Variants in STRBP observed in about 807,000 individuals in gnomAD.
STRBP encodes the protein spermatid perinuclear RNA binding protein.
STRBP carries 13 observed loss-of-function variants against 80.1 expected under a neutral mutation model. The ratio of observed to expected loss-of-function variants is 0.16; its 90% confidence interval spans 0.11 to 0.26. The LOEUF is 0.26. Among genes scored for constraint, STRBP ranks in the 10% least tolerant of loss-of-function variants. The pLI is 1.00. For missense variants in STRBP, 485 were observed against 815.2 expected, an observed-to-expected ratio of 0.59 and a Z score of 4.93; for synonymous variants, 284 against 291.2, an observed-to-expected ratio of 0.98 and a Z score of 0.25.
intron 2 of STRBP, among the ~76,000 whole-genome samples, chr9:123,188,139 T>C (rs2038776560): frequency 1.3e-5 from 2 of 152,162 alleles, no homozygotes; most frequent in South Asian, 4.2e-4. Context: ...CTTTTGAGAC[T>C]AGCTTCTTTC....
At chr9:123,254,098 A>G (rs751776096) in intron 1 of STRBP, among the ~76,000 whole-genome samples, 23 of 152,170 alleles carry the variant, frequency 1.5e-4, no homozygotes, top group Non-Finnish European at 3.1e-4. Flanking sequence ...ATTAGGTGTA[A>G]TAACACCCAA....
At chr9:123,213,442 C>G (rs891858926) in intron 2 of STRBP, 3 of 152,188 alleles carry the variant, frequency 2.0e-5, no homozygotes, top group Non-Finnish European at 4.4e-5. Flanking sequence ...AGCCTACCCA[C>G]AAAACCCTAA....
At position 123,164,132 on chromosome 9, in the gene STRBP, G is replaced by A. The variant is rs1440450719; in HGVS notation, c.536-3064C>T. Among the ~76,000 whole-genome samples, 4 of 152,126 alleles carry A rather than the reference G, an allele frequency of 2.6e-5. No individual in the cohort carries two copies. The East Asian group carries it at 5.8e-4, about 22-fold the overall frequency. On this transcript the variant is annotated intron_variant, in intron 6 of 18. Coordinates refer to ENST00000348403, the MANE Select transcript of STRBP (RefSeq NM_018387.5). ...ATGATCTCGGCTCACTGCAACCTCC[G>A]CCTCCCGGGCTCAAGCAATTCCCAT...
chr9:123,188,171 G>A (rs533186395), intron 2 of STRBP, among the ~76,000 whole-genome samples: 47 of 152,068 alleles, frequency 3.1e-4, no homozygotes, highest in African/African-American at 1.1e-3. Context: ...TGCATTTAAG[G>A]TTTCTCCATC....
chr9:123,254,443 T>A (rs2040980796), intron 1 of STRBP, among the ~76,000 whole-genome samples: 1 of 127,734 alleles, frequency 7.8e-6, no homozygotes, highest in Non-Finnish European at 1.6e-5. Context: ...CCTGATCACG[T>A]GAGACTCCGT....
At chr9:123,129,913 GC>G (rs1390802716) in intron 17 of STRBP, among the ~76,000 whole-genome samples, 1 of 152,174 alleles carries the variant, frequency 6.6e-6, no homozygotes, top group East Asian at 1.9e-4. Context: ...GACACATGTA[GC>G]TGAAATAAGC....
At chr9:123,198,418 G>A (rs1012961632) in intron 2 of STRBP, among the ~76,000 whole-genome samples, 11 of 151,988 alleles carry the variant, frequency 7.2e-5, no homozygotes, top group African/African-American at 2.7e-4. Flanking sequence ...GATTACAGGT[G>A]TGAGCCACGG....
chr9:123,259,517 AC>A (rs1239062896), intron 1 of STRBP, among the ~76,000 whole-genome samples: 1 of 151,926 alleles, frequency 6.6e-6, no homozygotes, highest in Non-Finnish European at 1.5e-5. Context: ...GACCAGCCTG[AC>A]CAACATGGAG....
At chr9:123,214,150 ACACAC>A (rs2039814483) in intron 2 of STRBP, among the ~76,000 whole-genome samples, 3 of 126,860 alleles carry the variant, frequency 2.4e-5, no homozygotes, top group African/African-American at 3.5e-5. Flanking sequence ...ATGTATACAC[ACACAC>A]ACACACACAC....
intron 2 of STRBP, among the ~76,000 whole-genome samples, chr9:123,210,843 A>G (rs940571317): frequency 2.1e-4 from 31 of 149,666 alleles, no homozygotes; most frequent in African/African-American, 7.3e-4. Flanking sequence ...AAAAAAAAAG[A>G]TCAACCAAAT....
chr9:123,138,906 G>A (rs2036472004), intron 14 of STRBP, among the ~76,000 whole-genome samples: 1 of 152,132 alleles, frequency 6.6e-6, no homozygotes, highest in Non-Finnish European at 1.5e-5. Flanking sequence ...TTACTTTAAA[G>A]CTAATGTTCT....
intron 16 of STRBP, among the ~76,000 whole-genome samples, chr9:123,133,476 T>G (rs1041778165): frequency 6.6e-6 from 1 of 152,134 alleles, no homozygotes; most frequent in African/African-American, 2.4e-5. Context: ...GAAGGTAATA[T>G]GATTTCTTGG....
intron 12 of STRBP, 134 bp downstream of exon 12, chr9:123,147,644 C>CTCCA: frequency 1.4e-6 from 1 of 698,878 alleles, no homozygotes; most frequent in Non-Finnish European, 2.2e-6. Flanking sequence ...CGCCACTGCA[C>CTCCA]TCCAGTCTCA....
chr9:123,122,718 T>A lies in STRBP; in HGVS notation c.*2879A>T, dbSNP rs2035770919. The A allele has an allele frequency of 2.0e-6, 2 of 1,001,638 alleles. No homozygotes were observed. The highest frequency in any genetic ancestry group is 2.4e-6 in the Non-Finnish European group (2 of 840,444). The allele number at this position is 1,001,638 out of a possible 1,614,324, so 62.0% of individuals were successfully genotyped here. Reference sequence around the variant, plus strand: ...GGGGCCAGTCCCCGTGCAGAGGATATGGCTTCAAGGAGGACCCCTATCTCT... The same window carrying A: ...GGGGCCAGTCCCCGTGCAGAGGATAAGGCTTCAAGGAGGACCCCTATCTCT... On this transcript the variant is annotated 3_prime_UTR_variant, in exon 19 of 19. Coordinates refer to ENST00000348403, the MANE Select transcript of STRBP (RefSeq NM_018387.5).
intron 17 of STRBP, 73 bp from the exon 18 acceptor site, chr9:123,128,331 C>A (rs150457644): frequency 6.4e-7 from 1 of 1,564,820 alleles, no homozygotes; most frequent in African/African-American, 1.4e-5. Flanking sequence ...TCACAAGCAC[C>A]ACCTGCTCAG....
chr9:123,245,112 G>A (rs1402761661), intron 1 of STRBP, among the ~76,000 whole-genome samples: 1 of 152,128 alleles, frequency 6.6e-6, no homozygotes. Flanking sequence ...AAATTACAGA[G>A]ATGGATTACT....
At chr9:123,221,132 T>C (rs903200080) in intron 2 of STRBP, among the ~76,000 whole-genome samples, 2 of 152,208 alleles carry the variant, frequency 1.3e-5, no homozygotes, top group Non-Finnish European at 2.9e-5. Context: ...CGGGCCTGCC[T>C]GTGTTTCAGG....
At chr9:123,133,824 G>C (rs769637821) in intron 16 of STRBP, among the ~76,000 whole-genome samples, 11 of 151,992 alleles carry the variant, frequency 7.2e-5, no homozygotes, top group Non-Finnish European at 1.5e-4. Flanking sequence ...TTACAGGTGT[G>C]AGCCACCGCA....
chr9:123,216,782 CAT>C (rs2039912849), intron 2 of STRBP, among the ~76,000 whole-genome samples: 1 of 152,276 alleles, frequency 6.6e-6, no homozygotes, highest in East Asian at 1.9e-4. Context: ...TCCCATGTTC[CAT>C]AGAGTGTACA....
Sources: allele counts gnomAD v4.1 joint callset (sites outside exome capture counted in the v4.1 genomes callset), GRCh38; gene constraint gnomAD v4.1.1; transcripts MANE v1.5; gene names NCBI Gene and HGNC (gene_info 2026-07-23, HGNC 2026-07-21).